Variants in TACC1 observed in about 807,000 individuals in gnomAD.
TACC1 encodes transforming acidic coiled-coil-containing protein 1.
Under a neutral mutation model 84.4 loss-of-function variants are expected in TACC1, and 48 were observed. That is an observed-to-expected ratio of 0.57 (90% CI 0.45 to 0.72). TACC1 has a LOEUF of 0.72. TACC1 is among the 30% of genes least tolerant of loss of function. The probability of loss-of-function intolerance (pLI) is 0.00; values close to 1 mark genes in which losing one functional copy is unlikely to be tolerated. For missense variants in TACC1, 920 were observed against 973.0 expected (o/e 0.95, Z 0.72); for synonymous variants, 372 against 376.3 (o/e 0.99, Z 0.13).
intron 1 of TACC1, among the ~76,000 whole-genome samples, chr8:38,738,704 C>T (rs1040828419): frequency 6.6e-6 from 1 of 151,730 alleles, no homozygotes; most frequent in African/African-American, 2.4e-5. Context: ...CAAGATACTC[C>T]AGGCTCATCT....
At chr8:38,837,252 T>TAA (rs56272394) in intron 7 of TACC1, among the ~76,000 whole-genome samples, 42 of 141,022 alleles carry the variant, frequency 3.0e-4, no homozygotes, top group Non-Finnish European at 3.8e-4. Context: ...CCATCTCTAC[T>TAA]AAAAAAAAAA....
chr8:38,806,142 G>A (rs950769798), intron 2 of TACC1, among the ~76,000 whole-genome samples: 2 of 152,190 alleles, frequency 1.3e-5, no homozygotes, highest in Non-Finnish European at 2.9e-5. Context: ...CCTGGCCCCA[G>A]TGTGGTCGTG....
intron 1 of TACC1, among the ~76,000 whole-genome samples, chr8:38,741,938 A>G (rs1285189525): frequency 1.3e-5 from 2 of 152,232 alleles, no homozygotes; most frequent in African/African-American, 4.8e-5. Flanking sequence ...CTGTCCCTGG[A>G]CCATTATATA....
intron 2 of TACC1, among the ~76,000 whole-genome samples, chr8:38,803,650 T>C (rs1198223011): frequency 2.0e-5 from 3 of 152,226 alleles, no homozygotes; most frequent in Admixed American, 2.0e-4. Flanking sequence ...TATGTGTTGC[T>C]GGATTTGGTT....
rs147875025 is a variant in TACC1, at chr8:38,796,778, G to C, written c.277+7959G>C. ...TGAGAAGAGGCAGGTGTGTGGAGGTGTGTGCGGCTGCCAGGGGCTCTGCGC... is the reference window on the plus strand; with the variant it reads ...TGAGAAGAGGCAGGTGTGTGGAGGTCTGTGCGGCTGCCAGGGGCTCTGCGC... On this transcript the variant is annotated intron_variant, in intron 2 of 12. Transcript: ENST00000317827. 3.6e-3 allele frequency among the ~76,000 whole-genome samples: 543 copies of C among 152,342 alleles called. 1 individual carries two copies. The highest frequency in any genetic ancestry group is 5.5e-3 in the Non-Finnish European group (373 of 68,032).
At chr8:38,800,442 G>T (rs534353736) in intron 2 of TACC1, among the ~76,000 whole-genome samples, 2 of 152,198 alleles carry the variant, frequency 1.3e-5, no homozygotes, top group Admixed American at 6.5e-5. Context: ...CCAGTCCTAG[G>T]TAACTGATGA....
intron 4 of TACC1, among the ~76,000 whole-genome samples, chr8:38,826,354 A>G (rs796763506): frequency 4.6e-5 from 7 of 152,376 alleles, no homozygotes; most frequent in African/African-American, 1.7e-4. Flanking sequence ...CAAAACCCAT[A>G]TATTTAGTGC....
intron 3 of TACC1, among the ~76,000 whole-genome samples, chr8:38,822,088 T>C (rs79220064): frequency 0.014 from 2,092 of 152,010 alleles, 51 homozygotes; most frequent in African/African-American, 0.048. Flanking sequence ...TAAAAAAATT[T>C]TTTTTAATTA....
intron 2 of TACC1, among the ~76,000 whole-genome samples, chr8:38,792,000 G>A (rs982296002): frequency 3.3e-5 from 5 of 152,212 alleles, no homozygotes; most frequent in Non-Finnish European, 7.3e-5. Flanking sequence ...CTTCCTAAGA[G>A]TTGTATGCCA....
chr8:38,787,657 G>C lies in TACC1; in HGVS notation c.75G>C (p.Gly25=), dbSNP rs931527488. The change falls in exon 1 of 13, where the codon GGG becomes GGC. Residue 25 remains glycine (G), a synonymous_variant. Coordinates refer to ENST00000317827, the MANE Select transcript of TACC1 (RefSeq NM_006283.3). Reference sequence around the variant, plus strand: ...GGACGTGGTCTGCGGTACGCGGCGGGGCCGCCGGCGAGGACGAGGCTGGCG... The same window carrying C: ...GGACGTGGTCTGCGGTACGCGGCGGCGCCGCCGGCGAGGACGAGGCTGGCG... ...AKWTWSAVRG[G]AAGEDEAGGP... is the part of the protein sequence containing the mutation. 2 of 1,549,964 alleles carry C rather than the reference G, an allele frequency of 1.3e-6. No homozygotes were observed. Among genetic ancestry groups the C allele is most frequent in the Non-Finnish European group, 1.7e-6 (2 of 1,148,884 alleles).
At chr8:38,739,804 G>A (rs1286862170) in intron 1 of TACC1, among the ~76,000 whole-genome samples, 1 of 152,184 alleles carries the variant, frequency 6.6e-6, no homozygotes, top group Non-Finnish European at 1.5e-5. Flanking sequence ...ACCTAGGGGA[G>A]GAGAAGGACA....
At chr8:38,730,373 T>G (rs927920189) in intron 1 of TACC1, among the ~76,000 whole-genome samples, 9 of 152,258 alleles carry the variant, frequency 5.9e-5, no homozygotes, top group Admixed American at 4.6e-4. Flanking sequence ...TCTCCAAGTC[T>G]TTTCTGAATT....
intron 3 of TACC1, among the ~76,000 whole-genome samples, chr8:38,749,473 C>A (rs1310428723): frequency 6.6e-6 from 1 of 152,174 alleles, no homozygotes; most frequent in Non-Finnish European, 1.5e-5. Flanking sequence ...AGTCCAATAT[C>A]CCTCATGAAT....
At chr8:38,786,111 G>C (rs936864630), upstream of TACC1, among the ~76,000 whole-genome samples, 7 of 152,154 alleles carry the variant, frequency 4.6e-5, no homozygotes, top group Non-Finnish European at 8.8e-5. Context: ...GTGGGAACCT[G>C]CAGGCACCTC....
chr8:38,846,782 T>G lies in TACC1; in HGVS notation c.2312T>G (p.Met771Arg). The G allele has an allele frequency of 6.2e-7, 1 of 1,614,084 alleles. No homozygotes were observed. ...ALHAGLRKEQ[M>R]KVESLERALQ... ...CATGCTGGACTCCGCAAAGAGCAGA[T>G]GAAGGTGGAGTCCCTGGAAAGGGCC... Residue 771 changes from methionine to arginine, a missense_variant, in exon 12 of 13, where the codon ATG becomes AGG. Physicochemically the swap from Met to Arg is moderately conservative, Grantham distance 91. Coordinates refer to ENST00000317827, the MANE Select transcript of TACC1 (RefSeq NM_006283.3).
At position 38,787,401 on chromosome 8, in the gene TACC1, C is replaced by G. The variant is rs977249310; in HGVS notation, c.-182C>G. The G allele has an allele frequency of 1.5e-5, 20 of 1,353,850 alleles. No individual in the cohort carries two copies. In the East Asian group the frequency reaches 3.4e-4, roughly 23 times the overall value. 83.9% of individuals were successfully genotyped at this position (1,353,850 alleles called of 1,614,324 possible). ...GAGGAGGCCGAGGAGGACGCAGCGC[C>G]GGCTGCCGGCGGGAGGAAGCGCTCC... On this transcript the variant is annotated 5_prime_UTR_variant, in exon 1 of 13. Transcript: ENST00000317827.
chr8:38,764,286 C>T lies in TACC1; in HGVS notation c.26+18793C>T, dbSNP rs186646680. Among the ~76,000 whole-genome samples, 326 of 152,092 alleles carry T rather than the reference C, an allele frequency of 2.1e-3. 1 individual carries two copies. Among genetic ancestry groups the T allele is most frequent in the African/African-American group, 7.5e-3 (311 of 41,496 alleles). ...AGAGACAGGGTTTCACCAAGTTGGCCAGGCTGGTCTTGAACTCCTGACCTC... is the reference window on the plus strand; with the variant it reads ...AGAGACAGGGTTTCACCAAGTTGGCTAGGCTGGTCTTGAACTCCTGACCTC... On this transcript the variant is annotated intron_variant, in intron 3 of 14. Coordinates refer to the TACC1 transcript ENST00000518415.
rs11467 is a variant in TACC1, at chr8:38,787,396, A to T, written c.-187A>T. On this transcript the variant is annotated 5_prime_UTR_variant, in exon 1 of 13. Transcript: ENST00000317827. The stretch of plus-strand genomic sequence containing the variant: ...GAGGGGAGGAGGCCGAGGAGGACGC[A>T]GCGCCGGCTGCCGGCGGGAGGAAGC... 2 of 1,351,154 alleles carry T rather than the reference A, an allele frequency of 1.5e-6. No individual in the cohort carries two copies. Among genetic ancestry groups the T allele is most frequent in the Non-Finnish European group, 1.9e-6 (2 of 1,058,496 alleles). The allele number at this position is 1,351,154 out of a possible 1,614,324, so 83.7% of individuals were successfully genotyped here. A position where few individuals can be genotyped will look rare whatever the true frequency, so the allele number is the denominator to read the frequency against.
intron 2 of TACC1, among the ~76,000 whole-genome samples, chr8:38,814,740 C>G (rs1460565978): frequency 1.3e-5 from 2 of 152,200 alleles, no homozygotes; most frequent in African/African-American, 4.8e-5. Flanking sequence ...CCTCTCATGT[C>G]TGGCCTAGAA....
Sources: gnomAD v4.1 joint callset for allele counts (sites outside exome capture counted in the v4.1 genomes callset) on GRCh38, gnomAD v4.1.1 for gene constraint, MANE v1.5 for transcripts, NCBI Gene and HGNC (gene_info 2026-07-23, HGNC 2026-07-21) for gene names.